KLF12: variants seen among roughly 807,000 people sequenced by gnomAD.
KLF12 encodes Krueppel-like factor 12.
Under a neutral mutation model 37.8 loss-of-function variants are expected in KLF12, and 9 were observed. The ratio of observed to expected loss-of-function variants is 0.24; its 90% CI spans 0.14 to 0.42. KLF12 has a LOEUF of 0.42. KLF12 is among the 10% of genes least tolerant of loss of function. KLF12 has a pLI of 1.00. For missense variants in KLF12, 411 were observed against 516.0 expected, an observed-to-expected ratio of 0.80 and a Z score of 1.97; for synonymous variants, 208 against 202.1, an observed-to-expected ratio of 1.03 and a Z score of -0.25.
the KLF12 span, among the ~76,000 whole-genome samples, chr13:74,186,469 G>T: frequency 6.6e-6 from 1 of 152,068 alleles, no homozygotes; most frequent in Non-Finnish European, 1.5e-5. Context: ...AGGAACTTTG[G>T]ACAGGTTGGG....
intron 3 of KLF12, among the ~76,000 whole-genome samples, chr13:73,858,313 A>T (rs1885717175): frequency 6.6e-6 from 1 of 152,220 alleles, no homozygotes; most frequent in Admixed American, 6.5e-5. Context: ...CACTAGTATA[A>T]GTTTTAGACT....
chr13:73,795,446 A>G (rs189877421), intron 5 of KLF12, among the ~76,000 whole-genome samples: 4 of 152,346 alleles, frequency 2.6e-5, no homozygotes, highest in Admixed American at 2.6e-4. Context: ...TTCAATACAC[A>G]CTGAATAAAT....
chr13:74,134,917 G>A (rs573168575), upstream of KLF12, among the ~76,000 whole-genome samples: 96 of 152,040 alleles, frequency 6.3e-4, 1 homozygote, highest in Non-Finnish European at 1.0e-3. Flanking sequence ...GCCCGCCAGC[G>A]AACTTGGAAA....
chr13:73,873,368 C>A (rs1030663573), intron 3 of KLF12, among the ~76,000 whole-genome samples: 1 of 152,034 alleles, frequency 6.6e-6, no homozygotes, highest in Non-Finnish European at 1.5e-5. Flanking sequence ...CTTGAGATTT[C>A]AATCATTTCA....
intron 2 of KLF12, among the ~76,000 whole-genome samples, chr13:73,986,029 G>GTGCA (rs990007890): frequency 2.6e-5 from 4 of 152,164 alleles, no homozygotes; most frequent in African/African-American, 4.8e-5. Flanking sequence ...TTGTAAGTAA[G>GTGCA]TGCATGCTAT....
At chr13:74,032,888 A>T (rs927887857) in intron 1 of KLF12, among the ~76,000 whole-genome samples, 9 of 152,322 alleles carry the variant, frequency 5.9e-5, no homozygotes, top group African/African-American at 9.6e-5. Flanking sequence ...AAAGTATTTA[A>T]AATTTTAAAC....
At chr13:73,733,507 GAC>G (rs149187974) in intron 6 of KLF12, among the ~76,000 whole-genome samples, 1 of 151,898 alleles carries the variant, frequency 6.6e-6, no homozygotes, top group Non-Finnish European at 1.5e-5. Context: ...TTCTAATGCT[GAC>G]ACACACACAC....
chr13:74,267,742 C>A, the KLF12 span, among the ~76,000 whole-genome samples: 2 of 152,034 alleles, frequency 1.3e-5, no homozygotes, highest in African/African-American at 4.8e-5. Flanking sequence ...GGGATGTGCT[C>A]AATATGAAGA....
At chr13:73,746,226 G>A (rs559907870) in intron 6 of KLF12, among the ~76,000 whole-genome samples, 61 of 152,210 alleles carry the variant, frequency 4.0e-4, no homozygotes, top group African/African-American at 1.4e-3. Context: ...AATAGATATC[G>A]ATGTATTTAA....
At chr13:73,729,542 G>A (rs1876910851) in intron 6 of KLF12, among the ~76,000 whole-genome samples, 1 of 152,182 alleles carries the variant, frequency 6.6e-6, no homozygotes, top group Non-Finnish European at 1.5e-5. Context: ...GCTAAGGAAT[G>A]ATAAATCTGA....
At chr13:74,014,343 G>C (rs1566504521) in intron 1 of KLF12, among the ~76,000 whole-genome samples, 1 of 152,120 alleles carries the variant, frequency 6.6e-6, no homozygotes, top group Non-Finnish European at 1.5e-5. Flanking sequence ...TTTGTTTACT[G>C]GTAACGAATA....
the KLF12 span, among the ~76,000 whole-genome samples, chr13:74,154,071 CA>C: frequency 0.33 from 48,605 of 146,170 alleles, 8,698 homozygotes; most frequent in Middle Eastern, 0.43. Flanking sequence ...AGTAAAATAC[CA>C]AAAAAAAAAA....
Position 73,810,990 on chromosome 13 carries a change from T to C in KLF12, c.806+2162A>G, listed in dbSNP as rs1349954270. On this transcript the variant is annotated intron_variant, in intron 5 of 7. Coordinates refer to ENST00000377669, the MANE Select transcript of KLF12 (RefSeq NM_007249.5). The stretch of plus-strand genomic sequence containing the variant: ...TTTTTTAATTTTTCTTTCTTTTTTT[T>C]TTTTTTTTTTTTTTTTTAGGAGTCT... 8.6e-5 allele frequency among the ~76,000 whole-genome samples: 11 copies of C among 128,142 alleles called. 1 individual carries two copies. Among genetic ancestry groups the C allele is most frequent in the African/African-American group, 1.5e-4 (5 of 33,694 alleles). 84.1% of individuals were successfully genotyped at this position (128,142 alleles called of 152,430 possible).
At chr13:73,737,092 T>A (rs1378181010) in intron 6 of KLF12, among the ~76,000 whole-genome samples, 3 of 152,192 alleles carry the variant, frequency 2.0e-5, no homozygotes. Context: ...TCTTCTTTCT[T>A]CTTACTAGAT....
chr13:73,983,630 C>A (rs1481266603), intron 2 of KLF12, among the ~76,000 whole-genome samples: 1 of 152,212 alleles, frequency 6.6e-6, no homozygotes, highest in Non-Finnish European at 1.5e-5. Context: ...CAATTATTCA[C>A]ATATTTCCAT....
At chr13:74,169,989 T>A in the KLF12 span, among the ~76,000 whole-genome samples, 2 of 152,174 alleles carry the variant, frequency 1.3e-5, no homozygotes, top group African/African-American at 4.8e-5. Flanking sequence ...TATTGCCATT[T>A]TTTTTTCTAG....
intron 5 of KLF12, 23 bp downstream of exon 5, chr13:73,813,129 C>G (rs765637254): frequency 2.5e-6 from 4 of 1,610,896 alleles, no homozygotes; most frequent in Non-Finnish European, 3.4e-6. Context: ...ATTCTTAATT[C>G]ATCCTGTGAA....
the KLF12 span, among the ~76,000 whole-genome samples, chr13:74,224,372 T>G: frequency 5.3e-5 from 8 of 152,296 alleles, no homozygotes; most frequent in East Asian, 1.5e-3. Flanking sequence ...CCCAGGCTGG[T>G]GATATCTATG....
intron 1 of KLF12, among the ~76,000 whole-genome samples, chr13:74,127,143 A>G (rs1176220215): frequency 6.6e-6 from 1 of 152,210 alleles, no homozygotes; most frequent in Non-Finnish European, 1.5e-5. Flanking sequence ...AACTGGGAAT[A>G]CAGGCACACG....
Sources: allele counts gnomAD v4.1 joint callset (sites outside exome capture counted in the v4.1 genomes callset), GRCh38; gene constraint gnomAD v4.1.1; transcripts MANE v1.5; gene names NCBI Gene and HGNC (gene_info 2026-07-23, HGNC 2026-07-21).